Variants in PIGB observed in about 807,000 individuals in gnomAD.
PIGB encodes GPI alpha-1,2-mannosyltransferase 3.
Under a neutral mutation model 68.4 loss-of-function variants are expected in PIGB, and 58 were observed. The ratio of observed to expected loss-of-function variants is 0.85; its 90% confidence interval spans 0.69 to 1.06. The LOEUF is 1.06. Ranked by LOEUF, PIGB falls within the 50% of genes least tolerant of loss-of-function variation. The pLI, the probability that PIGB is intolerant of heterozygous loss-of-function variation, is 0.00. For missense variants in PIGB, 634 were observed against 655.8 expected (o/e 0.97, Z 0.36); for synonymous variants, 219 against 220.5 (o/e 0.99, Z 0.06).
At chr15:55,323,418 T>G (rs1234334757) in intron 3 of PIGB, among the ~76,000 whole-genome samples, 1 of 151,598 alleles carries the variant, frequency 6.6e-6, no homozygotes, top group Non-Finnish European at 1.5e-5. Flanking sequence ...AGGCCAGGAG[T>G]TTGAGAACAG....
chr15:55,350,309 G>C (rs1304396064), intron 9 of PIGB: 1 of 179,086 alleles, frequency 5.6e-6, no homozygotes, highest in Non-Finnish European at 1.2e-5. Flanking sequence ...GTAGGTAAAT[G>C]GAATAATTAA....
rs376738865 is a variant in PIGB at position 55,329,698 on chromosome 15, T to C, written c.523-26T>C. On this transcript the variant is annotated intron_variant, in intron 4 of 11. Coordinates refer to ENST00000164305, the MANE Select transcript of PIGB (RefSeq NM_004855.5). Reference sequence around the variant, plus strand: ...AAGGTTTTCCATTTCCAATTTCATATATGTTTGCTCTGTACTTTTTCTTAG... The same window carrying C: ...AAGGTTTTCCATTTCCAATTTCATACATGTTTGCTCTGTACTTTTTCTTAG... 5 of 1,581,078 alleles carry C rather than the reference T, an allele frequency of 3.2e-6. No homozygotes were observed. In the African/African-American group the frequency reaches 4.1e-5, roughly 13 times the overall value.
chr15:55,341,658 T>A, intron 8 of PIGB, 80 bp from the exon 9 acceptor site: 2 of 456,128 alleles, frequency 4.4e-6, no homozygotes, highest in Non-Finnish European at 7.3e-6. Flanking sequence ...AAATATATTT[T>A]ATATTAAATA....
At chr15:55,354,723 A>G (rs1466799350) in intron 10 of PIGB, 75 bp from the exon 11 acceptor site, 6 of 1,166,256 alleles carry the variant, frequency 5.1e-6, no homozygotes, top group Admixed American at 2.7e-5. Flanking sequence ...TGCTAAGTAT[A>G]AATGACATAT....
chr15:55,323,254 A>G (rs1245493461), intron 3 of PIGB, among the ~76,000 whole-genome samples: 2 of 152,190 alleles, frequency 1.3e-5, no homozygotes, highest in African/African-American at 4.8e-5. Flanking sequence ...TTAAAAGCAG[A>G]ACTAGAGCTA....
intron 9 of PIGB, chr15:55,343,269 C>G (rs1382932973): frequency 6.6e-6 from 1 of 152,182 alleles, no homozygotes; most frequent in Admixed American, 6.5e-5. Context: ...AGACATCTAA[C>G]AGCTATTTGG....
intron 3 of PIGB, among the ~76,000 whole-genome samples, chr15:55,323,253 G>A (rs1211261750): frequency 6.6e-6 from 1 of 152,190 alleles, no homozygotes; most frequent in Admixed American, 6.5e-5. Flanking sequence ...GTTAAAAGCA[G>A]AACTAGAGCT....
intron 5 of PIGB, among the ~76,000 whole-genome samples, chr15:55,331,353 T>C (rs1207977138): frequency 6.6e-6 from 1 of 152,104 alleles, no homozygotes; most frequent in East Asian, 1.9e-4. Context: ...CATTTTTCCT[T>C]GTATAAGCAT....
At chr15:55,331,830 C>T (rs1320450127) in intron 5 of PIGB, among the ~76,000 whole-genome samples, 1 of 152,062 alleles carries the variant, frequency 6.6e-6, no homozygotes, top group African/African-American at 2.4e-5. Flanking sequence ...AGGCATGAGC[C>T]ACCAAACCTG....
chr15:55,319,431 G>T lies in PIGB; in HGVS notation c.163+18G>T. ...CCGCGGGGGTGAGTGAGGGGACACT[G>T]TCTGGAGAGCTCCTACCCCCATCTA... On this transcript the variant is annotated intron_variant, in intron 1 of 11. Coordinates refer to ENST00000164305, the MANE Select transcript of PIGB (RefSeq NM_004855.5). 2 of 1,548,352 alleles carry T rather than the reference G, an allele frequency of 1.3e-6. No homozygotes were observed. The highest frequency in any genetic ancestry group is 1.4e-5 in the African/African-American group (1 of 73,046).
chr15:55,342,152 A>G (rs558626329), intron 9 of PIGB, among the ~76,000 whole-genome samples: 1 of 152,252 alleles, frequency 6.6e-6, no homozygotes, highest in Non-Finnish European at 1.5e-5. Flanking sequence ...AAACCCACAT[A>G]AATATCCAAT....
Position 55,321,872 on chromosome 15 carries a change from G to A in PIGB, c.417+482G>A, listed in dbSNP as rs144577801. ...TCTCTGTGTTGGTCAGGCTGGTCTC[G>A]AACTCCCGACCTGAGGTGATCTGCC... is the stretch of plus-strand genomic sequence containing the variant. On this transcript the variant is annotated intron_variant, in intron 3 of 11. Coordinates refer to ENST00000164305, the MANE Select transcript of PIGB (RefSeq NM_004855.5). Among the ~76,000 whole-genome samples the A allele has an allele frequency of 3.0e-3, 443 of 145,506 alleles. 2 individuals are homozygous for A. Among genetic ancestry groups the A allele is most frequent in the African/African-American group, 0.01 (414 of 39,918 alleles).
chr15:55,326,014 T>C (rs914800952), intron 3 of PIGB, among the ~76,000 whole-genome samples: 1 of 151,474 alleles, frequency 6.6e-6, no homozygotes, highest in Non-Finnish European at 1.5e-5. Context: ...CTGGGCAACA[T>C]GGTGAAACCC....
chr15:55,327,226 ATATT>A (rs201255645), intron 3 of PIGB, among the ~76,000 whole-genome samples: 7,333 of 147,680 alleles, frequency 0.05, 252 homozygotes, highest in East Asian at 0.15. Context: ...ATAAATATAT[ATATT>A]TATATTTATA....
At chr15:55,334,564 G>A (rs1052352731) in intron 6 of PIGB, among the ~76,000 whole-genome samples, 3 of 152,182 alleles carry the variant, frequency 2.0e-5, no homozygotes, top group Non-Finnish European at 4.4e-5. Flanking sequence ...TTACTGAAGG[G>A]ATGACTGCAT....
At chr15:55,335,974 C>T (rs2055525575) in intron 6 of PIGB, among the ~76,000 whole-genome samples, 1 of 152,108 alleles carries the variant, frequency 6.6e-6, no homozygotes, top group South Asian at 2.1e-4. Flanking sequence ...TACTTTGTAT[C>T]CAGCATTTGA....
chr15:55,335,731 A>G (rs2055519691), intron 6 of PIGB, among the ~76,000 whole-genome samples: 1 of 152,066 alleles, frequency 6.6e-6, no homozygotes, highest in South Asian at 2.1e-4. Flanking sequence ...ACTTGATGAG[A>G]GAGTATTCCA....
intron 10 of PIGB, 66 bp downstream of exon 10, chr15:55,350,978 C>G: frequency 2.5e-6 from 2 of 790,736 alleles, no homozygotes; most frequent in Non-Finnish European, 4.0e-6. Context: ...AATTCCCTTT[C>G]AGATTCCTGG....
intron 5 of PIGB, among the ~76,000 whole-genome samples, chr15:55,332,071 G>T (rs2055428928): frequency 6.6e-6 from 1 of 151,790 alleles, no homozygotes; most frequent in South Asian, 2.1e-4. Context: ...TCTGCCTCCT[G>T]GGTTCAAGCA....
Sources: allele counts gnomAD v4.1 joint callset (sites outside exome capture counted in the v4.1 genomes callset), GRCh38; gene constraint gnomAD v4.1.1; transcripts MANE v1.5; gene names NCBI Gene and HGNC (gene_info 2026-07-23, HGNC 2026-07-21).